MYO16: variants seen among roughly 807,000 people sequenced by gnomAD.
MYO16 encodes the protein myosin XVI, also known as unconventional myosin-XVI.
MYO16 carries 94 observed loss-of-function variants against 205.3 expected under a neutral mutation model. The ratio of observed to expected loss-of-function variants is 0.46; its 90% CI spans 0.39 to 0.54. The LOEUF is 0.54. Among genes scored for constraint, MYO16 ranks in the 20% least tolerant of loss-of-function variants. MYO16 has a pLI of 0.00. For missense variants in MYO16, 2,315 were observed against 2,387.5 expected, an observed-to-expected ratio of 0.97 and a Z score of 0.63; for synonymous variants, 988 against 954.0, an observed-to-expected ratio of 1.04 and a Z score of -0.66.
rs542600137 is a variant in MYO16, at chr13:109,047,143, G to A, written c.2872+152G>A. The A allele has an allele frequency of 5.6e-5, 34 of 607,916 alleles. No homozygotes were observed. In the East Asian group the frequency reaches 9.5e-4, roughly 17 times the overall value. 37.7% of individuals were successfully genotyped at this position (607,916 alleles called of 1,614,324 possible). A position where few individuals can be genotyped will look rare whatever the true frequency, so the allele number is the denominator to read the frequency against. On this transcript the variant is annotated intron_variant, in intron 24 of 34. Coordinates refer to ENST00000457511, the MANE Select transcript of MYO16 (RefSeq NM_001198950.3). ...CTAATGCCCAGACTAATGAGAAATG[G>A]GTCTTGCTGCACTATATGTTGGCTA...
chr13:109,147,974 A>G (rs1877432375), intron 32 of MYO16, among the ~76,000 whole-genome samples: 2 of 152,110 alleles, frequency 1.3e-5, no homozygotes, highest in African/African-American at 4.8e-5. Flanking sequence ...TGCCATGTTA[A>G]TAGACCTGGG....
chr13:108,844,333 T>A lies in MYO16; in HGVS notation c.1098-10T>A. ...GAGACTAATTGTAGTATTGATTTTT[T>A]TTCCTGTAGCAGTCCCCTGGTGTTA... On this transcript the variant is annotated splice_polypyrimidine_tract_variant and intron_variant, in intron 9 of 34. Coordinates refer to ENST00000457511, the MANE Select transcript of MYO16 (RefSeq NM_001198950.3). 6.2e-7 allele frequency: 1 copy of A among 1,602,616 alleles called. No homozygotes were observed. Among genetic ancestry groups the A allele is most frequent in the Non-Finnish European group, 8.5e-7 (1 of 1,172,852 alleles).
intron 4 of MYO16, among the ~76,000 whole-genome samples, chr13:108,752,161 T>C (rs1399091589): frequency 6.6e-6 from 1 of 152,260 alleles, no homozygotes; most frequent in Admixed American, 6.5e-5. Context: ...AAATAAAATA[T>C]TAATTTAAAA....
At chr13:108,642,714 G>A (rs767511976) in intron 1 of MYO16, among the ~76,000 whole-genome samples, 14 of 152,058 alleles carry the variant, frequency 9.2e-5, no homozygotes, top group Non-Finnish European at 1.6e-4. Context: ...CACCGTGCCC[G>A]GCCTTTGGGT....
At chr13:108,752,407 G>A (rs573255951) in intron 4 of MYO16, among the ~76,000 whole-genome samples, 9 of 152,216 alleles carry the variant, frequency 5.9e-5, no homozygotes, top group East Asian at 5.8e-4. Flanking sequence ...GCACAGATTC[G>A]TACAAAGGTT....
At chr13:108,575,612 A>G in the MYO16 span, among the ~76,000 whole-genome samples, 4 of 151,942 alleles carry the variant, frequency 2.6e-5, no homozygotes, top group South Asian at 8.3e-4. Flanking sequence ...CTCTCTACTG[A>G]AATTTTCCCT....
chr13:109,084,757 G>A (rs1224327417), intron 27 of MYO16, among the ~76,000 whole-genome samples: 1 of 150,460 alleles, frequency 6.6e-6, no homozygotes, highest in Non-Finnish European at 1.5e-5. Context: ...TATTCATGCA[G>A]CAATAGTTTG....
rs112817590 is a variant in MYO16, at chr13:109,004,763, G to A, written c.2443-4134G>A. On this transcript the variant is annotated intron_variant, in intron 21 of 34. Coordinates refer to ENST00000457511, the MANE Select transcript of MYO16 (RefSeq NM_001198950.3). The stretch of plus-strand genomic sequence containing the variant: ...ATGTGCTAGACTGTATCAGTTACAA[G>A]AAAGAAAATATTTTTCATATGATAT... Among the ~76,000 whole-genome samples the A allele has an allele frequency of 1.3e-3, 196 of 152,260 alleles. 2 individuals carry two copies. Among genetic ancestry groups the A allele is most frequent in the African/African-American group, 4.5e-3 (186 of 41,552 alleles).
intron 20 of MYO16, among the ~76,000 whole-genome samples, chr13:108,979,174 A>G (rs1160802724): frequency 6.6e-6 from 1 of 151,930 alleles, no homozygotes; most frequent in East Asian, 1.9e-4. Context: ...CTGAAGTTTC[A>G]AAAATATATT....
At chr13:108,785,284 A>G (rs147859937) in intron 4 of MYO16, among the ~76,000 whole-genome samples, 152 of 152,268 alleles carry the variant, frequency 1.0e-3, no homozygotes, top group African/African-American at 3.4e-3. Context: ...TGAAGGCATC[A>G]GACACCTCTA....
At chr13:108,875,992 T>G (rs901975716) in intron 12 of MYO16, among the ~76,000 whole-genome samples, 2 of 152,088 alleles carry the variant, frequency 1.3e-5, no homozygotes, top group South Asian at 4.1e-4. Flanking sequence ...ATTTACAAAA[T>G]AGAGAGTTGA....
chr13:108,618,279 C>A (rs1391090951), intron 1 of MYO16, among the ~76,000 whole-genome samples: 1 of 152,150 alleles, frequency 6.6e-6, no homozygotes, highest in Non-Finnish European at 1.5e-5. Context: ...TAACTACAGA[C>A]TCTCTCCCAA....
intron 1 of MYO16, among the ~76,000 whole-genome samples, chr13:108,637,769 G>T (rs1880324487): frequency 1.3e-5 from 2 of 152,110 alleles, no homozygotes; most frequent in South Asian, 4.1e-4. Context: ...CAGCCACTTG[G>T]GAGGCTGAGG....
Position 108,866,240 on chromosome 13 carries a change from A to G in MYO16, c.1423A>G (p.Met475Val). The G allele has an allele frequency of 3.2e-6, 5 of 1,578,748 alleles. No homozygotes were observed. In the South Asian group the frequency reaches 4.5e-5, roughly 14 times the overall value. Reference sequence around the variant, plus strand: ...CAAGGAGCTTCCAATTTATTCTTCCATGGTGAGCACAAAATTTTAAATATC... The same window carrying G: ...CAAGGAGCTTCCAATTTATTCTTCCGTGGTGAGCACAAAATTTTAAATATC... ...PYKELPIYSSMVSQLYFSSSG... is the reference protein window; with the variant it reads ...PYKELPIYSSVVSQLYFSSSG... The change falls in exon 12 of 35, where the codon ATG becomes GTG. Residue 475 changes from methionine (M) to valine (V), a missense_variant and splice_region_variant. Physicochemically the swap from Met to Val is conservative, Grantham distance 21. Transcript: ENST00000457511.
chr13:109,034,373 G>T (rs1323314988), intron 23 of MYO16, among the ~76,000 whole-genome samples: 2 of 152,158 alleles, frequency 1.3e-5, no homozygotes, highest in African/African-American at 4.8e-5. Flanking sequence ...CCCTGTGCTG[G>T]TCTTGTGACA....
In MYO16 at chr13:108,844,407, G is replaced by C. The variant is rs1178443102; in HGVS notation, c.1162G>C (p.Asp388His). 2.5e-6 allele frequency: 4 copies of C among 1,613,412 alleles called. No individual in the cohort carries two copies. The highest frequency in any genetic ancestry group is 3.4e-6 in the Non-Finnish European group (4 of 1,179,632). Residue 388 changes from aspartate to histidine, a missense_variant, in exon 10 of 35, where the codon GAT (aspartate) becomes CAT (histidine). Physicochemically the swap from Asp to His is moderately conservative, Grantham distance 81. Coordinates refer to ENST00000457511, the MANE Select transcript of MYO16 (RefSeq NM_001198950.3). Reference protein sequence around the residue: ...SLLEKDIMFKDATKGLCKQQS... With the variant: ...SLLEKDIMFKHATKGLCKQQS... ...GTTGGAAAAAGACATTATGTTCAAA[G>C]ATGCAACAAAAGGTCTGTGTAAGCA... is the stretch of plus-strand genomic sequence containing the variant.
intron 1 of MYO16, among the ~76,000 whole-genome samples, chr13:108,604,513 C>A (rs1878880782): frequency 6.6e-6 from 1 of 152,154 alleles, no homozygotes; most frequent in Non-Finnish European, 1.5e-5. Flanking sequence ...CACAAAAGAA[C>A]TAGCAGAATG....
intron 16 of MYO16, among the ~76,000 whole-genome samples, chr13:108,940,432 C>G (rs376638172): frequency 2.6e-5 from 4 of 152,154 alleles, no homozygotes; most frequent in East Asian, 1.9e-4. Context: ...CAGAAACTCT[C>G]TATGTGCATT....
intron 16 of MYO16, among the ~76,000 whole-genome samples, chr13:108,951,918 A>G (rs1346665578): frequency 6.6e-6 from 1 of 152,124 alleles, no homozygotes; most frequent in African/African-American, 2.4e-5. Context: ...AGCCTTGCCA[A>G]CATGGCGAAA....
Sources: allele counts gnomAD v4.1 joint callset (sites outside exome capture counted in the v4.1 genomes callset), GRCh38; gene constraint gnomAD v4.1.1; transcripts MANE v1.5; gene names NCBI Gene and HGNC (gene_info 2026-07-23, HGNC 2026-07-21).